The following FSIP2 variants were observed in gnomAD, a reference collection of about 807,000 sequenced individuals.
The protein encoded by FSIP2 is fibrous sheath interacting protein 2, also known as fibrous sheath-interacting protein 2.
In FSIP2, 367 loss-of-function variants were observed where a neutral mutation model predicts 510.5. That is an observed-to-expected ratio of 0.72 (90% CI 0.66 to 0.78). FSIP2 has a LOEUF of 0.78. FSIP2 is among the 30% of genes least tolerant of loss of function. The probability of loss-of-function intolerance (pLI) is 0.00; values close to 1 mark genes in which losing one functional copy is unlikely to be tolerated. For missense variants in FSIP2, 7,594 were observed against 7,901.7 expected (o/e 0.96, Z 1.48); for synonymous variants, 2,601 against 2,732.2 (o/e 0.95, Z 1.50).
rs1246929424 is a variant in FSIP2 at position 185,746,757 on chromosome 2, C to T, written c.706C>T (p.Arg236Ter). Residue 236 changes from arginine (R) to a stop codon, truncating the protein, a stop_gained, in exon 6 of 23, where the codon CGA (arginine) becomes TGA (stop). Coordinates refer to ENST00000424728, the MANE Select transcript of FSIP2 (RefSeq NM_173651.4). LOFTEE classifies it high-confidence loss of function. Reference sequence around the variant, plus strand: ...ATTCCTAATGGATAGAGAAGAAAGACGACAGCGGGAACACACAAGAAGAAA... The same window carrying T: ...ATTCCTAATGGATAGAGAAGAAAGATGACAGCGGGAACACACAAGAAGAAA... ...RLFLMDREER[R>*]QREHTRRKLT... 1.9e-5 allele frequency: 29 copies of T among 1,530,984 alleles called. No homozygotes were observed. Among genetic ancestry groups the T allele is most frequent in the Middle Eastern group, 1.7e-4 (1 of 5,948 alleles). The allele number at this position is 1,530,984 out of a possible 1,614,324, so 94.8% of individuals were successfully genotyped here.
intron 13 of FSIP2, chr2:185,765,257 A>G (rs1225033437): frequency 6.6e-6 from 1 of 152,050 alleles, no homozygotes; most frequent in Non-Finnish European, 1.5e-5. Context: ...ATATACAGTA[A>G]AGTGTTCACC....
chr2:185,746,506 G>C (rs565404866), intron 5 of FSIP2, among the ~76,000 whole-genome samples, 163 bp from the exon 6 acceptor site: 6 of 152,138 alleles, frequency 3.9e-5, no homozygotes, highest in African/African-American at 1.4e-4. Context: ...GGGTTAGGCT[G>C]TTTTAAAGGT....
At chr2:185,817,932 G>A (rs534466512) in intron 19 of FSIP2, among the ~76,000 whole-genome samples, 1 of 151,930 alleles carries the variant, frequency 6.6e-6, no homozygotes, top group African/African-American at 2.4e-5. Flanking sequence ...GCATATTAGG[G>A]CAACTAGAGT....
At position 185,808,920 on chromosome 2, in the gene FSIP2, A is replaced by G. The variant is rs765959614; in HGVS notation, c.19614A>G (p.Ser6538=). The stretch of plus-strand genomic sequence containing the variant: ...TCAAAATAGATCCAAAAATTATTTC[A>G]GAACACTTAGCAGTTATTTCTATAA... ...KPVKIDPKII[S]EHLAVISIKT... The change falls in exon 17 of 23, where the codon TCA becomes TCG. Residue 6538 remains serine (S), a synonymous_variant. Transcript: ENST00000424728. 2 of 1,605,670 alleles carry G rather than the reference A, an allele frequency of 1.2e-6. No individual in the cohort carries two copies. The highest frequency in any genetic ancestry group is 1.7e-6 in the Non-Finnish European group (2 of 1,177,680).
chr2:185,807,168 A>T lies in FSIP2; in HGVS notation c.17862A>T (p.Ile5954=). 1 of 1,602,308 alleles carries T rather than the reference A, an allele frequency of 6.2e-7. No individual in the cohort carries two copies. The highest frequency in any genetic ancestry group is 8.5e-7 in the Non-Finnish European group (1 of 1,176,072). The change falls in exon 17 of 23, where the codon ATA becomes ATT. Residue 5954 remains isoleucine (I), a synonymous_variant. Coordinates refer to ENST00000424728, the MANE Select transcript of FSIP2 (RefSeq NM_173651.4). The part of the protein sequence containing the change: ...NLARRLTSAV[I]NEIFQRQVNL... ...CAAGAAGACTAACTAGTGCAGTGAT[A>T]AATGAAATTTTCCAACGTCAGGTTA...
Position 185,743,281 on chromosome 2 carries a change from C to A in FSIP2, c.374C>A (p.Thr125Asn). Residue 125 changes from threonine to asparagine, a missense_variant, in exon 3 of 23, where the codon ACC (threonine) becomes AAC (asparagine). Physicochemically the swap from Thr to Asn is moderately conservative, Grantham distance 65 (BLOSUM62 0). Transcript: ENST00000424728. ...AGATTAAAGAAAGGTGGCTACATCA[C>A]CAGCAATAATAAAGTGGGTTGAAAA... ...LKRLKKGGYI[T>N]SNNKVVCTLR... 2 of 1,493,428 alleles carry A rather than the reference C, an allele frequency of 1.3e-6. No individual in the cohort carries two copies. The highest frequency in any genetic ancestry group is 1.3e-5 in the South Asian group (1 of 76,538). The allele number at this position is 1,493,428 out of a possible 1,614,324, so 92.5% of individuals were successfully genotyped here.
Position 185,807,622 on chromosome 2 carries a change from G to A in FSIP2, c.18316G>A (p.Val6106Ile), listed in dbSNP as rs1188758956. ...ATCACAAGAGATTATACAAAATTGTGTAACCAGTGGATGCAAAATCCTTTC... is the reference window on the plus strand; with the variant it reads ...ATCACAAGAGATTATACAAAATTGTATAACCAGTGGATGCAAAATCCTTTC... ...FGSQEIIQNC[V>I]TSGCKILSEN... is the part of the protein sequence containing the mutation. Residue 6106 changes from valine (V) to isoleucine (I), a missense_variant, in exon 17 of 23, where the codon GTA (valine) becomes ATA (isoleucine). Val to Ile is a conservative substitution (Grantham distance 29). Coordinates refer to ENST00000424728, the MANE Select transcript of FSIP2 (RefSeq NM_173651.4). 1.9e-6 allele frequency: 3 copies of A among 1,612,768 alleles called. No homozygotes were observed. In the African/African-American group the frequency reaches 4.0e-5, roughly 22 times the overall value.
At chr2:185,740,785 A>T (rs1691907660) in intron 2 of FSIP2, among the ~76,000 whole-genome samples, 1 of 152,048 alleles carries the variant, frequency 6.6e-6, no homozygotes, top group Admixed American at 6.6e-5. Flanking sequence ...CTCTATAGGA[A>T]CATTATCTCC....
chr2:185,795,975 A>G lies in FSIP2; in HGVS notation c.8839A>G (p.Asn2947Asp). ...PTPDSEETLS[N>D]SKEHITAKSK... ...TCCAGATAGTGAAGAAACTCTATCAAACAGTAAAGAACACATTACTGCTAA... is the reference window on the plus strand; with the variant it reads ...TCCAGATAGTGAAGAAACTCTATCAGACAGTAAAGAACACATTACTGCTAA... Residue 2947 changes from asparagine to aspartate, a missense_variant, in exon 16 of 23, where the codon AAC becomes GAC. Coordinates refer to ENST00000424728, the MANE Select transcript of FSIP2 (RefSeq NM_173651.4). 6.5e-7 allele frequency: 1 copy of G among 1,534,852 alleles called. No homozygotes were observed. Among genetic ancestry groups the G allele is most frequent in the African/African-American group, 1.4e-5 (1 of 73,036 alleles).
At chr2:185,819,111 T>C (rs1693871771) in intron 19 of FSIP2, among the ~76,000 whole-genome samples, 1 of 151,912 alleles carries the variant, frequency 6.6e-6, no homozygotes, top group Non-Finnish European at 1.5e-5. Context: ...GTAGAGTTTT[T>C]GTATGCAGTT....
At chr2:185,772,617 A>T (rs1335959520) in intron 13 of FSIP2, among the ~76,000 whole-genome samples, 1 of 152,160 alleles carries the variant, frequency 6.6e-6, no homozygotes. Flanking sequence ...CAAGTCATCC[A>T]TGAGGGATCT....
At chr2:185,783,781 A>C (rs1389782947) in intron 14 of FSIP2, 1 of 152,182 alleles carries the variant, frequency 6.6e-6, no homozygotes, top group African/African-American at 2.4e-5. Flanking sequence ...ACCTCTTTAA[A>C]GAAAAGGTTA....
chr2:185,740,533 G>C (rs932967586), intron 2 of FSIP2: 3 of 152,134 alleles, frequency 2.0e-5, no homozygotes, highest in African/African-American at 4.8e-5. Flanking sequence ...GATGTCATCA[G>C]AAATAAATAG....
chr2:185,745,643 G>A (rs1399700779), intron 5 of FSIP2, 75 bp downstream of exon 5: 2 of 1,300,796 alleles, frequency 1.5e-6, no homozygotes, highest in Non-Finnish European at 2.1e-6. Context: ...AGAAAGAATT[G>A]AAGACAATTT....
intron 19 of FSIP2, among the ~76,000 whole-genome samples, 161 bp from the exon 20 acceptor site, chr2:185,824,273 A>ATTTT (rs1693975583): frequency 6.6e-6 from 1 of 151,916 alleles, no homozygotes; most frequent in Admixed American, 6.6e-5. Flanking sequence ...AGTAGGGGAA[A>ATTTT]AAGTCAATCA....
At chr2:185,740,110 C>T (rs1430105374) in intron 2 of FSIP2, among the ~76,000 whole-genome samples, 4 of 152,170 alleles carry the variant, frequency 2.6e-5, no homozygotes, top group Non-Finnish European at 5.9e-5. Context: ...TTCACACCTA[C>T]CCATAAATAC....
chr2:185,795,843 T>C lies in FSIP2; in HGVS notation c.8707T>C (p.Ser2903Pro). Residue 2903 changes from serine to proline, a missense_variant, in exon 16 of 23, where the codon TCT (serine) becomes CCT (proline). Coordinates refer to ENST00000424728, the MANE Select transcript of FSIP2 (RefSeq NM_173651.4). ...GTTTTATAATCATTTTAAAGGAGCTTCTACTAGAGCCGAGGATACTAAAGC... is the reference window on the plus strand; with the variant it reads ...GTTTTATAATCATTTTAAAGGAGCTCCTACTAGAGCCGAGGATACTAAAGC... ...SRFYNHFKGA[S>P]TRAEDTKAQI... The C allele has an allele frequency of 6.5e-7, 1 of 1,532,762 alleles. No homozygotes were observed. The highest frequency in any genetic ancestry group is 8.7e-7 in the Non-Finnish European group (1 of 1,145,510). 94.9% of individuals were successfully genotyped at this position (1,532,762 alleles called of 1,614,324 possible).
chr2:185,784,338 G>C (rs1692916916), intron 14 of FSIP2, among the ~76,000 whole-genome samples: 1 of 152,106 alleles, frequency 6.6e-6, no homozygotes, highest in Non-Finnish European at 1.5e-5. Flanking sequence ...CCTGAAGACT[G>C]TGGTTAAAAC....
chr2:185,776,875 C>T (rs1479800388), intron 13 of FSIP2, among the ~76,000 whole-genome samples: 1 of 152,028 alleles, frequency 6.6e-6, no homozygotes. Flanking sequence ...GTTGGGATTA[C>T]ACCATACCCA....
Sources: gnomAD v4.1 joint callset for allele counts (sites outside exome capture counted in the v4.1 genomes callset) on GRCh38, gnomAD v4.1.1 for gene constraint, MANE v1.5 for transcripts, NCBI Gene and HGNC (gene_info 2026-07-23, HGNC 2026-07-21) for gene names.